The following CA10 variants were observed in gnomAD, a reference collection of about 807,000 sequenced individuals.
CA10 encodes carbonic anhydrase 10 (inactive), also known as carbonic anhydrase-related protein 10.
A neutral mutation model predicts 44.2 loss-of-function variants in CA10; 14 were observed. The ratio of observed to expected loss-of-function variants is 0.32; its 90% CI spans 0.21 to 0.50. The LOEUF (loss-of-function observed/expected upper bound fraction) is 0.50, where lower values mean the gene tolerates loss of function less well. Among genes scored for constraint, CA10 ranks in the 20% least tolerant of loss-of-function variants. CA10 has a pLI of 0.99. For missense variants in CA10, 350 were observed against 409.7 expected (o/e 0.85, Z 1.26); for synonymous variants, 159 against 141.6 (o/e 1.12, Z -0.87).
intron 4 of CA10, among the ~76,000 whole-genome samples, chr17:51,745,810 T>C (rs1904667033): frequency 6.6e-6 from 1 of 152,172 alleles, no homozygotes; most frequent in East Asian, 1.9e-4. Context: ...TGCTGGAATA[T>C]GACAGAATAT....
intron 3 of CA10, among the ~76,000 whole-genome samples, chr17:51,908,862 A>T (rs1285445523): frequency 6.6e-6 from 1 of 152,158 alleles, no homozygotes; most frequent in Non-Finnish European, 1.5e-5. Context: ...AAAGCCATGG[A>T]CTGTAACATC....
intron 3 of CA10, among the ~76,000 whole-genome samples, chr17:51,906,698 T>G (rs2143941951): frequency 6.6e-6 from 1 of 152,240 alleles, no homozygotes; most frequent in Middle Eastern, 3.4e-3. Flanking sequence ...TCAAACTCAG[T>G]AACTCCAGAT....
chr17:51,653,603 G>A, intron 5 of CA10, 38 bp downstream of exon 5: 1 of 1,037,820 alleles, frequency 9.6e-7, no homozygotes, highest in East Asian at 2.4e-5. Context: ...GATTGAGGTG[G>A]GGATGGTGAG....
intron 1 of CA10, among the ~76,000 whole-genome samples, chr17:52,080,406 T>C (rs56402915): frequency 0.56 from 84,656 of 150,880 alleles, 24,970 homozygotes; most frequent in African/African-American, 0.74. Context: ...GAGCCGAGAT[T>C]GCACCACTGC....
chr17:52,080,430 T>C (rs532339449), intron 1 of CA10, among the ~76,000 whole-genome samples: 1,614 of 150,984 alleles, frequency 0.011, 20 homozygotes, highest in African/African-American at 0.038. Context: ...CCAGCCTGGG[T>C]GACAGAGCGA....
intron 3 of CA10, among the ~76,000 whole-genome samples, chr17:51,927,648 G>A (rs964744516): frequency 2.6e-5 from 4 of 152,038 alleles, no homozygotes; most frequent in South Asian, 2.1e-4. Context: ...AACACACTGC[G>A]TACACTCACT....
chr17:51,975,872 GAAAAAAAAAAAA>G (rs139387796), intron 2 of CA10, among the ~76,000 whole-genome samples: 5 of 98,142 alleles, frequency 5.1e-5, no homozygotes, highest in Non-Finnish European at 1.0e-4. Flanking sequence ...CTCTGTCTCG[GAAAAAAAAAAAA>G]AAAAAAAAAG....
At chr17:51,701,057 C>A (rs1005684178) in intron 4 of CA10, among the ~76,000 whole-genome samples, 1 of 152,094 alleles carries the variant, frequency 6.6e-6, no homozygotes, top group African/African-American at 2.4e-5. Context: ...CCTGTATGCC[C>A]TGCACATGTA....
intron 4 of CA10, among the ~76,000 whole-genome samples, chr17:51,728,893 A>C (rs1299360952): frequency 6.6e-6 from 1 of 152,216 alleles, no homozygotes. Context: ...TTGAGCAGAG[A>C]ATCAAAACTA....
intron 4 of CA10, among the ~76,000 whole-genome samples, chr17:51,742,926 T>A (rs993476946): frequency 7.2e-5 from 11 of 152,206 alleles, no homozygotes; most frequent in African/African-American, 2.7e-4. Context: ...TATTTCATAA[T>A]CCCCTTCTGG....
At chr17:51,773,001 T>C (rs1227795413) in intron 3 of CA10, among the ~76,000 whole-genome samples, 5 of 152,278 alleles carry the variant, frequency 3.3e-5, no homozygotes, top group Admixed American at 3.3e-4. Flanking sequence ...TTGCTTTATG[T>C]GCACACCAGC....
chr17:51,872,184 T>C (rs1424945371), intron 3 of CA10, among the ~76,000 whole-genome samples: 1 of 152,240 alleles, frequency 6.6e-6, no homozygotes, highest in Non-Finnish European at 1.5e-5. Context: ...CCCATAAGTC[T>C]CTGGCTAGAA....
intron 2 of CA10, among the ~76,000 whole-genome samples, chr17:51,956,186 T>C (rs1052583462): frequency 2.0e-5 from 3 of 151,978 alleles, no homozygotes; most frequent in African/African-American, 7.3e-5. Flanking sequence ...TTTTTAAAGA[T>C]ATAAAACAAT....
intron 3 of CA10, among the ~76,000 whole-genome samples, chr17:51,878,939 T>C (rs1398720761): frequency 3.6e-5 from 5 of 140,566 alleles, no homozygotes; most frequent in Non-Finnish European, 7.7e-5. Flanking sequence ...TTTGTGTATA[T>C]ATATATATAA....
At chr17:51,895,150 T>A (rs1981015388) in intron 3 of CA10, among the ~76,000 whole-genome samples, 3 of 152,108 alleles carry the variant, frequency 2.0e-5, no homozygotes, top group African/African-American at 7.2e-5. Context: ...TCTACTTGCA[T>A]GCGGATATGG....
In CA10 at chr17:52,157,901, G is replaced by T; in HGVS notation, c.-115C>A. The T allele has an allele frequency of 4.8e-6, 4 of 826,760 alleles. No individual in the cohort carries two copies. Among genetic ancestry groups the T allele is most frequent in the Non-Finnish European group, 8.4e-6 (4 of 474,264 alleles). 51.2% of individuals were successfully genotyped at this position (826,760 alleles called of 1,614,324 possible). A position where few individuals can be genotyped will look rare whatever the true frequency, so the allele number is the denominator to read the frequency against. ...CACACTTCCGAGCGAGTGCACACTCGCACTCCCACCCGACAGCCGGCCAGG... is the reference window on the plus strand; with the variant it reads ...CACACTTCCGAGCGAGTGCACACTCTCACTCCCACCCGACAGCCGGCCAGG... On this transcript the variant is annotated 5_prime_UTR_variant, in exon 1 of 9. Coordinates refer to ENST00000451037, the MANE Select transcript of CA10 (RefSeq NM_020178.5).
chr17:51,698,527 C>T (rs963187087), intron 4 of CA10, among the ~76,000 whole-genome samples: 1 of 152,200 alleles, frequency 6.6e-6, no homozygotes, highest in Non-Finnish European at 1.5e-5. Flanking sequence ...AATTAATTAA[C>T]ATATCCATCA....
At chr17:51,859,100 A>C (rs1034560478) in intron 3 of CA10, among the ~76,000 whole-genome samples, 4 of 152,150 alleles carry the variant, frequency 2.6e-5, no homozygotes, top group African/African-American at 9.7e-5. Flanking sequence ...AATTATAATT[A>C]GTTAATAATT....
At chr17:51,811,694 A>G (rs1907373179) in intron 3 of CA10, among the ~76,000 whole-genome samples, 1 of 152,208 alleles carries the variant, frequency 6.6e-6, no homozygotes, top group Non-Finnish European at 1.5e-5. Flanking sequence ...ATTGATGGAC[A>G]TTTGGGTTGG....
Sources: allele counts gnomAD v4.1 joint callset (sites outside exome capture counted in the v4.1 genomes callset), GRCh38; gene constraint gnomAD v4.1.1; transcripts MANE v1.5; gene names NCBI Gene and HGNC (gene_info 2026-07-23, HGNC 2026-07-21).